The following MYO1F variants were observed in gnomAD, a reference collection of about 807,000 sequenced individuals.
The protein encoded by MYO1F is myosin IF.
MYO1F carries 60 observed loss-of-function variants against 146.6 expected under a neutral mutation model. The ratio of observed to expected loss-of-function variants is 0.41; its 90% CI spans 0.33 to 0.51. The LOEUF (loss-of-function observed/expected upper bound fraction) is 0.51, where lower values mean the gene tolerates loss of function less well. Ranked by LOEUF, MYO1F falls within the 20% of genes least tolerant of loss-of-function variation. MYO1F has a pLI of 0.25. For missense variants in MYO1F, 1,274 were observed against 1,534.3 expected (o/e 0.83, Z 2.83); for synonymous variants, 602 against 602.1 (o/e 1.00, Z 0.00).
At chr19:8,555,532 C>G (rs533003053) in intron 2 of MYO1F, 127 bp downstream of exon 2, 1 of 1,317,200 alleles carries the variant, frequency 7.6e-7, no homozygotes, top group East Asian at 2.4e-5. Context: ...CTCTGTCTGT[C>G]CTCTGTGTCA....
chr19:8,539,459 G>A (rs937383361), intron 16 of MYO1F, among the ~76,000 whole-genome samples: 3 of 151,824 alleles, frequency 2.0e-5, no homozygotes, highest in Non-Finnish European at 4.4e-5. Flanking sequence ...AGCTGGGTGT[G>A]GTGGCGCATG....
chr19:8,530,662 C>T lies in MYO1F; in HGVS notation c.2044-89G>A. ...GTTTTCCCTGCGCTCACCCTACTCA[C>T]ACGCTTTTGCTCACCCATCCCCACA... On this transcript the variant is annotated intron_variant, in intron 19 of 27. Transcript: ENST00000644032. This position sits in a 1 kb window ranked among gnomAD's most constrained non-coding sequence, Gnocchi z 5.8. 1.9e-6 allele frequency: 2 copies of T among 1,046,006 alleles called. No homozygotes were observed. The highest frequency in any genetic ancestry group is 2.9e-6 in the Non-Finnish European group (2 of 679,512). The allele number at this position is 1,046,006 out of a possible 1,614,324, so 64.8% of individuals were successfully genotyped here. A position where few individuals can be genotyped will look rare whatever the true frequency, so the allele number is the denominator to read the frequency against.
intron 1 of MYO1F, among the ~76,000 whole-genome samples, chr19:8,561,265 C>T (rs990501548): frequency 6.6e-6 from 1 of 152,004 alleles, no homozygotes; most frequent in Non-Finnish European, 1.5e-5. Context: ...GGAGGTGTGG[C>T]TGCAGCAGGG....
At position 8,552,171 on chromosome 19, in the gene MYO1F, C is replaced by T; in HGVS notation, c.505-7G>A. ...GGATCTCAAAGTACTTGCCCTGAAT[C>T]CGAGAGAACCATGTCAGCACCCCAG... On this transcript the variant is annotated splice_polypyrimidine_tract_variant and splice_region_variant and intron_variant, in intron 6 of 27. Transcript: ENST00000644032. 1 of 1,614,088 alleles carries T rather than the reference C, an allele frequency of 6.2e-7. No individual in the cohort carries two copies.
Position 8,553,894 on chromosome 19 carries a change from A to ACACACACTCTCT in MYO1F, c.327-458_327-457insAGAGAGTGTGTG. ...CACACACACACACACACACACACAC[A>ACACACACTCTCT]CTCTCTCTCTCTCTCTCTCTCTCTC... On this transcript the variant is annotated intron_variant, in intron 4 of 27. Coordinates refer to ENST00000644032, the MANE Select transcript of MYO1F (RefSeq NM_012335.4). 6.3e-3 allele frequency among the ~76,000 whole-genome samples: 643 copies of ACACACACTCTCT among 102,648 alleles called. 8 individuals are homozygous for ACACACACTCTCT. Among genetic ancestry groups the ACACACACTCTCT allele is most frequent in the African/African-American group, 0.024 (586 of 23,966 alleles). The allele number at this position is 102,648 out of a possible 152,430, so 67.3% of individuals were successfully genotyped here. A position where few individuals can be genotyped will look rare whatever the true frequency, so the allele number is the denominator to read the frequency against.
intron 22 of MYO1F, 29 bp downstream of exon 22, chr19:8,527,305 GTGAC>G: frequency 2.5e-6 from 4 of 1,613,708 alleles, no homozygotes; most frequent in Non-Finnish European, 3.4e-6. Context: ...ACAGGTGAGA[GTGAC>G]TGTGCGGCAG....
At chr19:8,545,068 A>T (rs1555724507) in intron 13 of MYO1F, among the ~76,000 whole-genome samples, 3 of 147,710 alleles carry the variant, frequency 2.0e-5, no homozygotes, top group Non-Finnish European at 4.5e-5. Context: ...ATGAGCCACC[A>T]TGTCCCGCCT....
chr19:8,523,198 A>AT (rs1381468783), intron 25 of MYO1F, among the ~76,000 whole-genome samples: 1 of 151,726 alleles, frequency 6.6e-6, no homozygotes, highest in Non-Finnish European at 1.5e-5. Flanking sequence ...CGCCTGGATA[A>AT]TTTTTTAAAT....
chr19:8,529,355 G>T (rs1972390477), intron 21 of MYO1F, among the ~76,000 whole-genome samples: 1 of 152,134 alleles, frequency 6.6e-6, no homozygotes, highest in South Asian at 2.1e-4. Context: ...GGCCAAGTCT[G>T]GGTGTACCTG....
intron 12 of MYO1F, chr19:8,547,829 C>G: frequency 1.7e-6 from 1 of 581,386 alleles, no homozygotes; most frequent in Non-Finnish European, 3.1e-6. Flanking sequence ...TAAATAATTG[C>G]TGAATGAATG....
rs776075685 is a variant in MYO1F at position 8,530,624 on chromosome 19, G to T, written c.2044-51C>A. ...GGTGAGTCCTGGTGTCTCCCCAGGG[G>T]CTGCAGTTCCGGGTTTTCCCTGCGC... On this transcript the variant is annotated intron_variant, in intron 19 of 27. Transcript: ENST00000644032. This position sits in a 1 kb window ranked among gnomAD's most constrained non-coding sequence, Gnocchi z 5.8. The T allele has an allele frequency of 2.8e-6, 4 of 1,435,754 alleles. No homozygotes were observed. The highest frequency in any genetic ancestry group is 1.7e-5 in the Admixed American group (1 of 59,734). 88.9% of individuals were successfully genotyped at this position (1,435,754 alleles called of 1,614,324 possible).
chr19:8,559,979 A>G (rs1316924968), intron 1 of MYO1F, among the ~76,000 whole-genome samples: 2 of 150,800 alleles, frequency 1.3e-5, no homozygotes, highest in Non-Finnish European at 3.0e-5. Context: ...AAAGTAAAGA[A>G]TTAACACTCA....
chr19:8,521,308 G>A lies in MYO1F; in HGVS notation c.*220C>T. On this transcript the variant is annotated 3_prime_UTR_variant, in exon 28 of 28. Transcript: ENST00000644032. ...TTGACACACACAGAAATGGAGAATG[G>A]GCAGCAGGTGTGATGTTGGAGGAAG... 1 of 597,982 alleles carries A rather than the reference G, an allele frequency of 1.7e-6. No individual in the cohort carries two copies. Among genetic ancestry groups the A allele is most frequent in the Admixed American group, 2.7e-5 (1 of 37,028 alleles). 37.0% of individuals were successfully genotyped at this position (597,982 alleles called of 1,614,324 possible).
In MYO1F at chr19:8,526,789, G is replaced by T. The variant is rs762417931; in HGVS notation, c.2621C>A (p.Thr874Lys). 4 of 1,608,746 alleles carry T rather than the reference G, an allele frequency of 2.5e-6. No homozygotes were observed. The African/African-American group carries it at 5.3e-5, about 22-fold the overall frequency. ...GGTGCTGGGGTTGGCGGGGCCGTAC[G>T]TGTCGCTGAAGGTGAGGGGCAGGGG... is the stretch of plus-strand genomic sequence containing the variant. Reference protein sequence around the residue: ...RRPLPLTFSDTLQFRVKKEGW... With the variant: ...RRPLPLTFSDKLQFRVKKEGW... Residue 874 changes from threonine (T) to lysine (K), a missense_variant and splice_region_variant, in exon 23 of 28, where the codon ACA becomes AAA. Physicochemically the swap from Thr to Lys is moderately conservative, Grantham distance 78. This residue lies in a region of MYO1F where 374 missense variants were observed against 379.2 expected (regional missense o/e 0.99). Coordinates refer to ENST00000644032, the MANE Select transcript of MYO1F (RefSeq NM_012335.4).
chr19:8,525,587 G>T, intron 24 of MYO1F, 25 bp from the exon 25 acceptor site: 1 of 1,593,362 alleles, frequency 6.3e-7, no homozygotes, highest in Non-Finnish European at 8.6e-7. Flanking sequence ...TCAGGGAGTT[G>T]AATGACAGAC....
chr19:8,535,162 T>G (rs1315377186), intron 19 of MYO1F, among the ~76,000 whole-genome samples: 1 of 152,182 alleles, frequency 6.6e-6, no homozygotes, highest in Admixed American at 6.6e-5. Flanking sequence ...TCCATCCACC[T>G]CAGCCTCCCA....
chr19:8,523,564 T>C (rs1056029573), intron 25 of MYO1F, among the ~76,000 whole-genome samples: 4 of 151,866 alleles, frequency 2.6e-5, no homozygotes, highest in Admixed American at 1.3e-4. Context: ...TTGCTCAGGC[T>C]GGTCTCAAAC....
At chr19:8,561,440 C>T (rs1974114977) in intron 1 of MYO1F, among the ~76,000 whole-genome samples, 1 of 105,444 alleles carries the variant, frequency 9.5e-6, no homozygotes, top group Non-Finnish European at 1.8e-5. Context: ...CTCTCCCTCC[C>T]TTCCTTCCTC....
intron 2 of MYO1F, chr19:8,555,376 C>CAAAA (rs886749061): frequency 1.2e-3 from 121 of 100,278 alleles, no homozygotes; most frequent in Middle Eastern, 4.2e-3. Flanking sequence ...GACTCCGTCT[C>CAAAA]AAAAAAAAAA....
Sources: gnomAD v4.1 joint callset for allele counts (sites outside exome capture counted in the v4.1 genomes callset) on GRCh38, gnomAD v4.1.1 for gene constraint, gnomAD v4.1.1 regional missense constraint, Gnocchi (gnomAD v3.1) non-coding constraint, MANE v1.5 for transcripts, NCBI Gene and HGNC (gene_info 2026-07-23, HGNC 2026-07-21) for gene names.